Variants in ERC2 observed in about 807,000 individuals in gnomAD.
ERC2 encodes ELKS/RAB6-interacting/CAST family member 2, also known as ERC protein 2.
A neutral mutation model predicts 114.8 loss-of-function variants in ERC2; 42 were observed. The ratio of observed to expected loss-of-function variants is 0.37; its 90% confidence interval spans 0.29 to 0.47. The LOEUF (loss-of-function observed/expected upper bound fraction) is 0.47. ERC2 is among the 20% of genes least tolerant of loss of function. The pLI is 0.99. For synonymous variants in ERC2, 454 were observed against 425.5 expected (o/e 1.07, Z -0.82); for missense variants, 939 against 1,150.7 (o/e 0.82, Z 2.66).
chr3:56,070,882 G>A (rs1225222731), intron 7 of ERC2, among the ~76,000 whole-genome samples: 1 of 152,032 alleles, frequency 6.6e-6, no homozygotes, highest in Non-Finnish European at 1.5e-5. Flanking sequence ...CCAAACCTTT[G>A]CAAATGCTAT....
At chr3:56,181,322 C>A (rs1041780648) in intron 3 of ERC2, among the ~76,000 whole-genome samples, 4 of 152,172 alleles carry the variant, frequency 2.6e-5, no homozygotes, top group Non-Finnish European at 4.4e-5. Context: ...CAAACTACAG[C>A]CCACAGACCA....
At chr3:55,794,873 C>T (rs2070348540) in intron 14 of ERC2, among the ~76,000 whole-genome samples, 1 of 152,164 alleles carries the variant, frequency 6.6e-6, no homozygotes, top group Non-Finnish European at 1.5e-5. Flanking sequence ...CACAGAATCA[C>T]TGTACAGGAT....
At chr3:55,796,707 G>A (rs1225104861) in intron 14 of ERC2, among the ~76,000 whole-genome samples, 2 of 152,212 alleles carry the variant, frequency 1.3e-5, no homozygotes, top group African/African-American at 4.8e-5. Flanking sequence ...TTACAGGCAT[G>A]AGCCACTGGG....
intron 2 of ERC2, among the ~76,000 whole-genome samples, chr3:56,355,298 G>GTTTTCT (rs1484492325): frequency 6.7e-6 from 1 of 149,020 alleles, no homozygotes; most frequent in Non-Finnish European, 1.5e-5. Context: ...TTTTTTTCTT[G>GTTTTCT]TTTTCTTTTT....
At chr3:56,320,122 T>C (rs2057060261) in intron 2 of ERC2, among the ~76,000 whole-genome samples, 1 of 152,162 alleles carries the variant, frequency 6.6e-6, no homozygotes, top group African/African-American at 2.4e-5. Flanking sequence ...GAGGCTTTTA[T>C]AGGATAAACA....
At position 56,322,773 on chromosome 3, in the gene ERC2, T is replaced by C. The variant is rs1055184156; in HGVS notation, c.658-26338A>G. Among the ~76,000 whole-genome samples, 6 of 152,244 alleles carry C rather than the reference T, an allele frequency of 3.9e-5. 1 individual carries two copies. Among genetic ancestry groups the C allele is most frequent in the African/African-American group, 9.6e-5 (4 of 41,540 alleles). On this transcript the variant is annotated intron_variant, in intron 2 of 17. Coordinates refer to ENST00000288221, the MANE Select transcript of ERC2 (RefSeq NM_015576.3). ...CCAAATTGGGAATCTGGAAAGATGA[T>C]GTCAGGTAGAGTTCACAGGAAGGAA... is the stretch of plus-strand genomic sequence containing the variant.
At chr3:55,777,629 A>G (rs1398574219) in intron 14 of ERC2, among the ~76,000 whole-genome samples, 1 of 152,246 alleles carries the variant, frequency 6.6e-6, no homozygotes, top group East Asian at 1.9e-4. Context: ...GGAGTAATCT[A>G]TACTTTGATT....
intron 14 of ERC2, among the ~76,000 whole-genome samples, chr3:55,773,731 TA>T (rs924373212): frequency 6.6e-6 from 1 of 152,136 alleles, no homozygotes; most frequent in Non-Finnish European, 1.5e-5. Flanking sequence ...ATTTGTTTTT[TA>T]AAAAAAATCA....
intron 10 of ERC2, chr3:56,003,148 T>C: frequency 7.8e-7 from 1 of 1,287,518 alleles, no homozygotes; most frequent in Non-Finnish European, 1.0e-6. Flanking sequence ...CATTGCAAAG[T>C]TGGGGAGGCA....
intron 2 of ERC2, among the ~76,000 whole-genome samples, chr3:56,383,898 T>C (rs1196443812): frequency 6.6e-6 from 1 of 152,156 alleles, no homozygotes; most frequent in African/African-American, 2.4e-5. Context: ...TTCTGCTTTG[T>C]GTCTCTATGA....
Position 56,257,114 on chromosome 3 carries a change from A to C in ERC2, c.1074+38905T>G, listed in dbSNP as rs2052573390. Among the ~76,000 whole-genome samples, 2 of 152,132 alleles carry C rather than the reference A, an allele frequency of 1.3e-5. 1 individual carries two copies. The highest frequency in any genetic ancestry group is 1.3e-4 in the Admixed American group (2 of 15,274). ...GATTAAATGAGATAATGTATGTAAA[A>C]CCACTGGAATGAAACAAGTGCTACC... On this transcript the variant is annotated intron_variant, in intron 3 of 17. Coordinates refer to ENST00000288221, the MANE Select transcript of ERC2 (RefSeq NM_015576.3).
chr3:56,113,644 G>T lies in ERC2; in HGVS notation c.1473+25865C>A, dbSNP rs147788957. 5.1e-3 allele frequency among the ~76,000 whole-genome samples: 782 copies of T among 152,194 alleles called. 13 individuals are homozygous for T. Among genetic ancestry groups the T allele is most frequent in the African/African-American group, 0.018 (751 of 41,520 alleles). On this transcript the variant is annotated intron_variant, in intron 6 of 17. Transcript: ENST00000288221. Reference sequence around the variant, plus strand: ...TCCAATTCTTTGCAGATACAAACTGGGTATCCTAAAATTAAACTCAATTCC... The same window carrying T: ...TCCAATTCTTTGCAGATACAAACTGTGTATCCTAAAATTAAACTCAATTCC...
intron 6 of ERC2, among the ~76,000 whole-genome samples, chr3:56,139,236 A>G (rs2149914192): frequency 6.6e-6 from 1 of 152,322 alleles, no homozygotes; most frequent in Admixed American, 6.5e-5. Flanking sequence ...GTCTAATTAT[A>G]CAGTCTTTAT....
intron 17 of ERC2, among the ~76,000 whole-genome samples, chr3:55,633,763 A>G (rs2148633937): frequency 6.6e-6 from 1 of 152,260 alleles, no homozygotes; most frequent in Admixed American, 6.5e-5. Context: ...GAGTGAATAT[A>G]TTTCTCCTTT....
chr3:56,164,850 G>A (rs1287010348), intron 4 of ERC2, among the ~76,000 whole-genome samples: 1 of 151,954 alleles, frequency 6.6e-6, no homozygotes, highest in Non-Finnish European at 1.5e-5. Flanking sequence ...GACGAATGAT[G>A]TTCAGTATTT....
chr3:55,654,834 T>C (rs2060787502), intron 17 of ERC2, among the ~76,000 whole-genome samples: 1 of 152,218 alleles, frequency 6.6e-6, no homozygotes, highest in Admixed American at 6.5e-5. Context: ...CATTTATTAA[T>C]GCAGTGGGTG....
chr3:56,267,622 A>C (rs1192579316), intron 3 of ERC2, among the ~76,000 whole-genome samples: 1 of 151,414 alleles, frequency 6.6e-6, no homozygotes, highest in African/African-American at 2.4e-5. Context: ...ATACAAAAAA[A>C]AAAAAAATTA....
rs138204528 is a variant in ERC2, at chr3:55,809,340, T to C, written c.2565-74422A>G. On this transcript the variant is annotated intron_variant, in intron 14 of 17. Coordinates refer to ENST00000288221, the MANE Select transcript of ERC2 (RefSeq NM_015576.3). ...TCAGTCTAGGCAAGGATTATATGGC[T>C]AGTATCTGAAAAACACAGGCAACAA... Among the ~76,000 whole-genome samples the C allele has an allele frequency of 4.6e-3, 697 of 152,228 alleles. 7 individuals carry two copies. The highest frequency in any genetic ancestry group is 0.016 in the African/African-American group (655 of 41,538).
intron 2 of ERC2, among the ~76,000 whole-genome samples, chr3:56,420,694 G>A (rs1279457652): frequency 6.6e-6 from 1 of 150,510 alleles, no homozygotes; most frequent in Non-Finnish European, 1.5e-5. Context: ...GACCAACCTG[G>A]CTAACACGGT....
Sources: allele counts gnomAD v4.1 joint callset (sites outside exome capture counted in the v4.1 genomes callset), GRCh38; gene constraint gnomAD v4.1.1; transcripts MANE v1.5; gene names NCBI Gene and HGNC (gene_info 2026-07-23, HGNC 2026-07-21).